Variants in MRPS27 observed in about 807,000 individuals in gnomAD.
The protein encoded by MRPS27 is small ribosomal subunit protein mS27.
In MRPS27, 43 loss-of-function variants were observed where a neutral mutation model predicts 48.9. That is an observed-to-expected ratio of 0.88 (90% CI 0.69 to 1.13). The LOEUF is 1.13. Ranked by LOEUF, MRPS27 falls within the 50% of genes most tolerant of loss-of-function variation. The probability of loss-of-function intolerance (pLI) is 0.00; values close to 1 mark genes in which losing one functional copy is unlikely to be tolerated. For missense variants in MRPS27, 467 were observed against 476.3 expected (o/e 0.98, Z 0.18); for synonymous variants, 188 against 171.9 (o/e 1.09, Z -0.73).
intron 4 of MRPS27, among the ~76,000 whole-genome samples, chr5:72,252,189 A>G (rs2111984733): frequency 6.6e-6 from 1 of 152,322 alleles, no homozygotes; most frequent in Admixed American, 6.5e-5. Context: ...TGCTATAGTG[A>G]CCACAGCTTT....
intron 4 of MRPS27, among the ~76,000 whole-genome samples, chr5:72,261,559 G>A (rs1300941238): frequency 1.3e-5 from 2 of 151,666 alleles, no homozygotes; most frequent in Non-Finnish European, 2.9e-5. Context: ...ATGCTATCCT[G>A]CACTTTTGTA....
intron 4 of MRPS27, among the ~76,000 whole-genome samples, chr5:72,270,837 T>G (rs1394503818): frequency 3.9e-5 from 6 of 152,102 alleles, no homozygotes; most frequent in Admixed American, 2.0e-4. Context: ...GGATTAACAT[T>G]TGAAAACTGA....
At chr5:72,260,874 A>AATTC (rs1748946203) in intron 4 of MRPS27, among the ~76,000 whole-genome samples, 2 of 151,946 alleles carry the variant, frequency 1.3e-5, no homozygotes, top group South Asian at 4.1e-4. Flanking sequence ...TTAATTAATT[A>AATTC]ATTGTTTTTG....
intron 2 of MRPS27, among the ~76,000 whole-genome samples, chr5:72,301,933 C>T (rs530447304): frequency 8.5e-5 from 13 of 152,328 alleles, no homozygotes; most frequent in African/African-American, 3.1e-4. Flanking sequence ...AAAATCCCAC[C>T]TCATGTTTCA....
chr5:72,257,104 T>C (rs1748830049), intron 4 of MRPS27, among the ~76,000 whole-genome samples: 1 of 152,190 alleles, frequency 6.6e-6, no homozygotes, highest in African/African-American at 2.4e-5. Flanking sequence ...CCCTCAACTT[T>C]GATTCTCCAC....
intron 2 of MRPS27, among the ~76,000 whole-genome samples, chr5:72,313,163 G>T (rs1256461255): frequency 6.6e-6 from 1 of 152,008 alleles, no homozygotes; most frequent in East Asian, 1.9e-4. Context: ...AGCCAACTCT[G>T]CTTGTGCAAT....
chr5:72,223,557 A>AT (rs1747809905), intron 10 of MRPS27, 126 bp downstream of exon 10: 1 of 1,192,006 alleles, frequency 8.4e-7, no homozygotes, highest in Admixed American at 2.3e-5. Flanking sequence ...TAAAAATGTA[A>AT]TTTTTGATGT....
Position 72,320,154 on chromosome 5 carries a change from G to C in MRPS27, c.68C>G (p.Pro23Arg). 1.2e-6 allele frequency: 2 copies of C among 1,613,958 alleles called. No homozygotes were observed. Among genetic ancestry groups the C allele is most frequent in the Non-Finnish European group, 1.7e-6 (2 of 1,179,862 alleles). The change falls in exon 1 of 11, where the codon CCT (proline) becomes CGT (arginine). Residue 23 changes from proline (P) to arginine (R), a missense_variant. Physicochemically the swap from Pro to Arg is moderately radical, Grantham distance 103. Coordinates refer to ENST00000261413, the MANE Select transcript of MRPS27 (RefSeq NM_015084.3). ...AATGAAGCTGTCCGGCCAACCTGCA[G>C]GAGAGAGCTGAGGAAGAACCACTTG... ...ARQVVLPQLS[P>R]AGKRYLLSSA...
intron 1 of MRPS27, among the ~76,000 whole-genome samples, chr5:72,316,014 T>G (rs1355435161): frequency 6.6e-6 from 1 of 152,230 alleles, no homozygotes; most frequent in East Asian, 1.9e-4. Flanking sequence ...ATGTGGTCTA[T>G]CCTTACAATG....
At chr5:72,228,481 G>A in intron 7 of MRPS27, 113 bp from the exon 8 acceptor site, 1 of 676,954 alleles carries the variant, frequency 1.5e-6, no homozygotes, top group Non-Finnish European at 2.5e-6. Context: ...AGTAAACAAA[G>A]AAGAACAAAG....
At chr5:72,276,076 T>C (rs1460121941) in intron 4 of MRPS27, among the ~76,000 whole-genome samples, 1 of 151,848 alleles carries the variant, frequency 6.6e-6, no homozygotes, top group Non-Finnish European at 1.5e-5. Flanking sequence ...AACAGATTAT[T>C]TGAAGAGAAA....
At chr5:72,310,373 TTA>T (rs1433506564) in intron 2 of MRPS27, among the ~76,000 whole-genome samples, 1 of 151,944 alleles carries the variant, frequency 6.6e-6, no homozygotes, top group Non-Finnish European at 1.5e-5. Flanking sequence ...AAACACCTTG[TTA>T]TATGAGAGAA....
intron 4 of MRPS27, among the ~76,000 whole-genome samples, chr5:72,281,201 C>T (rs1363622606): frequency 2.0e-5 from 3 of 152,164 alleles, no homozygotes; most frequent in Non-Finnish European, 4.4e-5. Flanking sequence ...GTATAGTCAA[C>T]ATTAAAGCTA....
chr5:72,282,892 T>G (rs1749567674), intron 4 of MRPS27, among the ~76,000 whole-genome samples: 1 of 152,244 alleles, frequency 6.6e-6, no homozygotes, highest in South Asian at 2.1e-4. Flanking sequence ...TTGTTTACTT[T>G]TACATCTATT....
intron 2 of MRPS27, among the ~76,000 whole-genome samples, chr5:72,298,856 A>G (rs1332803286): frequency 6.6e-6 from 1 of 152,162 alleles, no homozygotes; most frequent in Non-Finnish European, 1.5e-5. Context: ...TCACCATAGC[A>G]AAGACATGGA....
intron 4 of MRPS27, among the ~76,000 whole-genome samples, chr5:72,287,015 T>C (rs779927696): frequency 9.2e-5 from 14 of 152,110 alleles, no homozygotes; most frequent in Non-Finnish European, 1.9e-4. Context: ...GGCGGCACAG[T>C]AGGAGGTGAG....
In MRPS27 at chr5:72,303,977, A is replaced by T. The variant is rs73761757; in HGVS notation, c.152-6275T>A. Reference sequence around the variant, plus strand: ...TGTATTAGCAACAAATACTAAAGGAAATTTTTAGAACTCAATAAAATTGGT... The same window carrying T: ...TGTATTAGCAACAAATACTAAAGGATATTTTTAGAACTCAATAAAATTGGT... On this transcript the variant is annotated intron_variant, in intron 2 of 10. Coordinates refer to ENST00000261413, the MANE Select transcript of MRPS27 (RefSeq NM_015084.3). Among the ~76,000 whole-genome samples, 1,321 of 152,170 alleles carry T rather than the reference A, an allele frequency of 8.7e-3. 26 individuals carry two copies. Among genetic ancestry groups the T allele is most frequent in the African/African-American group, 0.029 (1,202 of 41,538 alleles).
At chr5:72,276,739 A>T (rs1658438768) in intron 4 of MRPS27, among the ~76,000 whole-genome samples, 2 of 152,156 alleles carry the variant, frequency 1.3e-5, no homozygotes, top group Admixed American at 1.3e-4. Flanking sequence ...GCCACTAAAA[A>T]GTGAGCAAAG....
In MRPS27 at chr5:72,226,122, T is replaced by TG; in HGVS notation, c.771dup (p.Arg258GlnfsTer20). On this transcript the variant is annotated frameshift_variant, in exon 9 of 11. Coordinates refer to ENST00000261413, the MANE Select transcript of MRPS27 (RefSeq NM_015084.3). LOFTEE classifies it high-confidence loss of function. ...ACTTTCTCCATCACTTGAAGGGCTCTGTCAAGGTAGCCTGGTTTCCATATC... is the reference window on the plus strand; with the variant it reads ...ACTTTCTCCATCACTTGAAGGGCTCTGGTCAAGGTAGCCTGGTTTCCATATC... 3.7e-6 allele frequency: 6 copies of TG among 1,613,912 alleles called. No homozygotes were observed. The highest frequency in any genetic ancestry group is 5.1e-6 in the Non-Finnish European group (6 of 1,179,848).
Sources: gnomAD v4.1 joint callset for allele counts (sites outside exome capture counted in the v4.1 genomes callset) on GRCh38, gnomAD v4.1.1 for gene constraint, MANE v1.5 for transcripts, NCBI Gene and HGNC (gene_info 2026-07-23, HGNC 2026-07-21) for gene names.